REDIC1: variants seen among roughly 807,000 people sequenced by gnomAD.
The protein encoded by REDIC1 is regulator of DNA class I crossover intermediates 1, also known as HEI10 Interacting Protein 1.
chr12:39,646,764 T>G, the REDIC1 span: 1 of 988,490 alleles, frequency 1.0e-6, no homozygotes, highest in East Asian at 2.6e-5. Flanking sequence ...TAGAACAGTA[T>G]GAATTTTAAA....
At chr12:39,780,847 T>TA in the REDIC1 span, among the ~76,000 whole-genome samples, 2 of 152,032 alleles carry the variant, frequency 1.3e-5, no homozygotes, top group African/African-American at 4.8e-5. Context: ...AAGAAATTTT[T>TA]TAAAAAAACT....
At chr12:39,738,813 AG>A in the REDIC1 span, among the ~76,000 whole-genome samples, 2 of 151,080 alleles carry the variant, frequency 1.3e-5, no homozygotes, top group Non-Finnish European at 2.9e-5. Context: ...AAGTGACCTT[AG>A]TAATTGTGGG....
the REDIC1 span, among the ~76,000 whole-genome samples, chr12:39,880,814 A>G: frequency 6.6e-6 from 1 of 152,234 alleles, no homozygotes; most frequent in Non-Finnish European, 1.5e-5. Flanking sequence ...CACCTCGCTC[A>G]GCCACATCAC....
the REDIC1 span, among the ~76,000 whole-genome samples, chr12:39,649,864 G>A: frequency 0.02 from 3,058 of 151,958 alleles, 42 homozygotes; most frequent in Non-Finnish European, 0.028. Flanking sequence ...GAACAACTGA[G>A]ACAAGTATAG....
At chr12:39,638,115 A>T in the REDIC1 span, among the ~76,000 whole-genome samples, 1 of 152,054 alleles carries the variant, frequency 6.6e-6, no homozygotes, top group Admixed American at 6.6e-5. Flanking sequence ...AACAACAACA[A>T]AAAACAAATA....
the REDIC1 span, among the ~76,000 whole-genome samples, chr12:39,883,948 G>A: frequency 6.6e-6 from 1 of 152,056 alleles, no homozygotes; most frequent in East Asian, 1.9e-4. Flanking sequence ...AAAACGTTTA[G>A]ACAGACTATC....
chr12:39,896,643 A>T, the REDIC1 span, among the ~76,000 whole-genome samples: 1 of 151,684 alleles, frequency 6.6e-6, no homozygotes, highest in African/African-American at 2.4e-5. Context: ...AACTTCTGGA[A>T]GAAAACAACA....
At chr12:39,712,455 TA>T in the REDIC1 span, among the ~76,000 whole-genome samples, 1 of 8,334 alleles carries the variant, frequency 1.2e-4, no homozygotes, top group East Asian at 1.5e-3. Context: ...TATACATACG[TA>T]TATATACGTA....
the REDIC1 span, among the ~76,000 whole-genome samples, chr12:39,737,847 A>T: frequency 6.6e-6 from 1 of 152,178 alleles, no homozygotes; most frequent in Non-Finnish European, 1.5e-5. Context: ...CTTCTCCAGA[A>T]CTTATGCCTT....
chr12:39,743,266 AC>A, the REDIC1 span, among the ~76,000 whole-genome samples: 2 of 152,234 alleles, frequency 1.3e-5, no homozygotes, highest in Middle Eastern at 6.8e-3. Flanking sequence ...GTCCTTTCCC[AC>A]CTAGAGGGAG....
the REDIC1 span, among the ~76,000 whole-genome samples, chr12:39,865,574 A>G: frequency 6.6e-6 from 1 of 152,224 alleles, no homozygotes; most frequent in Non-Finnish European, 1.5e-5. Context: ...TAGACATCCT[A>G]ATGGCAAATA....
At chr12:39,834,540 T>A in the REDIC1 span, among the ~76,000 whole-genome samples, 2 of 152,090 alleles carry the variant, frequency 1.3e-5, no homozygotes, top group African/African-American at 4.8e-5. Flanking sequence ...CTTTCTTTTA[T>A]TAAAAAAGCA....
At chr12:39,811,020 T>C in the REDIC1 span, among the ~76,000 whole-genome samples, 1 of 152,156 alleles carries the variant, frequency 6.6e-6, no homozygotes, top group African/African-American at 2.4e-5. Flanking sequence ...CTTCTTTAAA[T>C]ATCTGGTTTA....
At chr12:39,825,451 T>A in the REDIC1 span, among the ~76,000 whole-genome samples, 1 of 152,196 alleles carries the variant, frequency 6.6e-6, no homozygotes, top group Non-Finnish European at 1.5e-5. Context: ...CTTACTGGCC[T>A]TTTGACTTTG....
chr12:39,726,778 C>A, the REDIC1 span, among the ~76,000 whole-genome samples: 4 of 152,164 alleles, frequency 2.6e-5, no homozygotes, highest in South Asian at 8.3e-4. Flanking sequence ...ACACTCCCAC[C>A]AACAGTGTAA....
the REDIC1 span, among the ~76,000 whole-genome samples, chr12:39,687,234 A>T: frequency 6.6e-6 from 1 of 152,168 alleles, no homozygotes; most frequent in African/African-American, 2.4e-5. Flanking sequence ...GTATCTTTAT[A>T]TCAAAATTCC....
At chr12:39,775,259 A>G in the REDIC1 span, among the ~76,000 whole-genome samples, 2 of 152,348 alleles carry the variant, frequency 1.3e-5, no homozygotes, top group Non-Finnish European at 2.9e-5. Flanking sequence ...TTGGGCCACA[A>G]AGGTTGGTCT....
the REDIC1 span, among the ~76,000 whole-genome samples, chr12:39,633,445 G>A: frequency 6.6e-6 from 1 of 152,124 alleles, no homozygotes; most frequent in African/African-American, 2.4e-5. Flanking sequence ...AACACCTTCT[G>A]AAGGGCCTGC....
At chr12:39,650,007 CATCAT>C in the REDIC1 span, among the ~76,000 whole-genome samples, 1 of 151,436 alleles carries the variant, frequency 6.6e-6, no homozygotes, top group Admixed American at 6.6e-5. The surrounding 1 kb of genome is among the most constrained non-coding windows in gnomAD (Gnocchi z 4.3). Context: ...GTTAGCTTAC[CATCAT>C]ATCAACTCTG....
Sources: allele counts gnomAD v4.1 joint callset (sites outside exome capture counted in the v4.1 genomes callset), GRCh38; gene constraint gnomAD v4.1.1; non-coding constraint Gnocchi (gnomAD v3.1); transcripts MANE v1.5; gene names NCBI Gene and HGNC (gene_info 2026-07-23, HGNC 2026-07-21).